The following LRRC37A2 variants were observed in gnomAD, a reference collection of about 807,000 sequenced individuals.
LRRC37A2 encodes the protein leucine-rich repeat-containing protein 37A2.
Under a neutral mutation model 68.8 loss-of-function variants are expected in LRRC37A2, and 9 were observed. The ratio of observed to expected loss-of-function variants is 0.13; its 90% confidence interval spans 0.08 to 0.23. The LOEUF (loss-of-function observed/expected upper bound fraction) is 0.23. Among genes scored for constraint, LRRC37A2 ranks in the 10% least tolerant of loss-of-function variants. The pLI, the probability that LRRC37A2 is intolerant of heterozygous loss-of-function variation, is 1.00. For missense variants in LRRC37A2, 168 were observed against 950.4 expected, an observed-to-expected ratio of 0.18 and a Z score of 10.82; for synonymous variants, 63 against 367.6, an observed-to-expected ratio of 0.17 and a Z score of 9.48.
the LRRC37A2 span, among the ~76,000 whole-genome samples, chr17:46,821,484 C>T: frequency 6.6e-6 from 1 of 152,202 alleles, no homozygotes; most frequent in Non-Finnish European, 1.5e-5. Flanking sequence ...TAGAAACACC[C>T]TCTCTCTAAC....
At chr17:47,001,825 G>GCC in the LRRC37A2 span, among the ~76,000 whole-genome samples, 2 of 147,602 alleles carry the variant, frequency 1.4e-5, no homozygotes, top group African/African-American at 5.0e-5. Context: ...AGGTTCAACA[G>GCC]ATTCTCCTGC....
chr17:46,810,628 C>T, the LRRC37A2 span, among the ~76,000 whole-genome samples: 1 of 152,130 alleles, frequency 6.6e-6, no homozygotes, highest in Non-Finnish European at 1.5e-5. Context: ...TCTCACAGCT[C>T]TTTGTGTGTA....
chr17:46,460,574 C>A, the LRRC37A2 span, among the ~76,000 whole-genome samples: 1 of 58,516 alleles, frequency 1.7e-5, no homozygotes, highest in African/African-American at 7.7e-5. Context: ...TTATACTTAC[C>A]ACATTCAAGG....
At chr17:46,631,076 A>ACACACACACACACACACACACACACG in the LRRC37A2 span, among the ~76,000 whole-genome samples, 1 of 144,698 alleles carries the variant, frequency 6.9e-6, no homozygotes, top group South Asian at 2.2e-4. Flanking sequence ...ACACACACAC[A>ACACACACACACACACACACACACACG]CACACACACA....
the LRRC37A2 span, among the ~76,000 whole-genome samples, chr17:46,868,358 A>G: frequency 7.9e-5 from 12 of 152,098 alleles, no homozygotes; most frequent in African/African-American, 2.7e-4. Context: ...TTGGGAGGCC[A>G]AGGTGGGCGG....
chr17:46,913,331 T>A, the LRRC37A2 span, among the ~76,000 whole-genome samples: 1 of 152,200 alleles, frequency 6.6e-6, no homozygotes, highest in African/African-American at 2.4e-5. Context: ...AATGCAGGGA[T>A]GTAAGACACA....
the LRRC37A2 span, among the ~76,000 whole-genome samples, chr17:46,787,775 G>GA: frequency 6.6e-6 from 1 of 152,202 alleles, no homozygotes; most frequent in African/African-American, 2.4e-5. Context: ...CCAACATGGC[G>GA]AAACGCCTGT....
the LRRC37A2 span, chr17:47,018,923 A>G: frequency 6.6e-7 from 1 of 1,519,592 alleles, no homozygotes; most frequent in Non-Finnish European, 9.1e-7. Context: ...CTCCTAAGAA[A>G]GTTGTACCCC....
the LRRC37A2 span, among the ~76,000 whole-genome samples, chr17:46,496,607 G>GGC: frequency 2.3e-5 from 1 of 44,292 alleles, no homozygotes; most frequent in African/African-American, 1.0e-4. Flanking sequence ...CATCTCAAAA[G>GGC]AAAAAAAAAA....
the LRRC37A2 span, among the ~76,000 whole-genome samples, chr17:46,791,259 G>A: frequency 3.8e-3 from 578 of 151,874 alleles, 5 homozygotes; most frequent in African/African-American, 0.014. Flanking sequence ...TGTCACCCAG[G>A]CTGTAGTGCA....
the LRRC37A2 span, chr17:46,938,902 T>C: frequency 2.6e-6 from 4 of 1,533,396 alleles, no homozygotes; most frequent in South Asian, 4.7e-5. Flanking sequence ...GATTGTGGTC[T>C]AATTTCCAAC....
the LRRC37A2 span, among the ~76,000 whole-genome samples, chr17:47,004,754 T>A: frequency 6.6e-6 from 1 of 152,250 alleles, no homozygotes; most frequent in Admixed American, 6.5e-5. Context: ...GGTCTTGAAC[T>A]CTTGTGCTCA....
chr17:46,974,747 A>AG, the LRRC37A2 span, among the ~76,000 whole-genome samples: 151 of 45,112 alleles, frequency 3.3e-3, 2 homozygotes, highest in Non-Finnish European at 4.5e-3. Flanking sequence ...AAAAAAAAAA[A>AG]AAGGTCATCT....
chr17:46,978,962 C>T, the LRRC37A2 span: 1 of 1,452,512 alleles, frequency 6.9e-7, no homozygotes, highest in Non-Finnish European at 9.0e-7. Flanking sequence ...CCGCCCACGC[C>T]GTCCACCTCC....
chr17:46,972,853 T>G, the LRRC37A2 span, among the ~76,000 whole-genome samples: 1 of 152,058 alleles, frequency 6.6e-6, no homozygotes, highest in South Asian at 2.1e-4. Flanking sequence ...CCTTCACCTC[T>G]GCAACTTCCT....
chr17:46,681,679 C>G, the LRRC37A2 span, among the ~76,000 whole-genome samples: 3 of 97,000 alleles, frequency 3.1e-5, no homozygotes, highest in Non-Finnish European at 3.9e-5. Flanking sequence ...TGCTTTAAGT[C>G]TGCTTGTTGG....
At chr17:46,817,287 C>T in the LRRC37A2 span, among the ~76,000 whole-genome samples, 1 of 152,192 alleles carries the variant, frequency 6.6e-6, no homozygotes, top group Non-Finnish European at 1.5e-5. Flanking sequence ...CGGTACCGCA[C>T]CGTGGTGGCA....
At chr17:47,028,870 T>C in the LRRC37A2 span, among the ~76,000 whole-genome samples, 1 of 150,552 alleles carries the variant, frequency 6.6e-6, no homozygotes, top group Non-Finnish European at 1.5e-5. Flanking sequence ...ACTCTGCATA[T>C]GAGCAGGAAT....
the LRRC37A2 span, among the ~76,000 whole-genome samples, chr17:46,731,126 A>G: frequency 6.6e-6 from 1 of 152,190 alleles, no homozygotes; most frequent in Non-Finnish European, 1.5e-5. Context: ...GATAAAATCT[A>G]GTATATCCAT....
Sources: allele counts gnomAD v4.1 joint callset (sites outside exome capture counted in the v4.1 genomes callset), GRCh38; gene constraint gnomAD v4.1.1; transcripts MANE v1.5; gene names NCBI Gene and HGNC (gene_info 2026-07-23, HGNC 2026-07-21).